NLGN1: variants seen among roughly 807,000 people sequenced by gnomAD.
NLGN1 encodes neuroligin-1.
A neutral mutation model predicts 65.5 loss-of-function variants in NLGN1; 12 were observed. The ratio of observed to expected loss-of-function variants is 0.18; its 90% CI spans 0.12 to 0.30. NLGN1 has a LOEUF of 0.30. Among genes scored for constraint, NLGN1 ranks in the 10% least tolerant of loss-of-function variants. The pLI, the probability that NLGN1 is intolerant of heterozygous loss-of-function variation, is 1.00. For synonymous variants in NLGN1, 350 were observed against 359.5 expected (o/e 0.97, Z 0.30); for missense variants, 750 against 1,007.1 (o/e 0.74, Z 3.46).
At chr3:173,929,140 A>C (rs1462151371) in intron 4 of NLGN1, among the ~76,000 whole-genome samples, 2 of 152,172 alleles carry the variant, frequency 1.3e-5, no homozygotes, top group African/African-American at 4.8e-5. Flanking sequence ...GATATATTCC[A>C]TTTAATATGT....
rs147737967 is a variant in NLGN1, at chr3:173,664,055, A to G, written c.493+58964A>G. 1.2e-4 allele frequency among the ~76,000 whole-genome samples: 18 copies of G among 152,108 alleles called. No homozygotes were observed. The East Asian group carries it at 3.3e-3, about 28-fold the overall frequency. ...TTTATTCTGGGCCTTTCAGCACTGT[A>G]ATTTATTTCTGTGCCAAAACAATAT... is the stretch of plus-strand genomic sequence containing the variant. On this transcript the variant is annotated intron_variant, in intron 3 of 6. Transcript: ENST00000457714.
In NLGN1 at chr3:174,044,043, C is replaced by T. The variant is rs375514718; in HGVS notation, c.647-231272C>T. On this transcript the variant is annotated intron_variant, in intron 4 of 6. Coordinates refer to ENST00000457714, the Ensembl canonical transcript of NLGN1. ...TAACACCATGAGGAAGCTGCCGAGGCTTAGGGCTTGCATCCTCTGAAGCCA... is the reference window on the plus strand; with the variant it reads ...TAACACCATGAGGAAGCTGCCGAGGTTTAGGGCTTGCATCCTCTGAAGCCA... Among the ~76,000 whole-genome samples, 21 of 152,290 alleles carry T rather than the reference C, an allele frequency of 1.4e-4. No individual in the cohort carries two copies. In the South Asian group the frequency reaches 3.5e-3, roughly 26 times the overall value.
At chr3:173,460,372 A>G (rs1267463820) in intron 2 of NLGN1, among the ~76,000 whole-genome samples, 1 of 152,124 alleles carries the variant, frequency 6.6e-6, no homozygotes, top group Non-Finnish European at 1.5e-5. Flanking sequence ...AGGAGATCAG[A>G]CATGTACAAA....
rs779686789 is a variant in NLGN1 at position 174,280,460 on chromosome 3, A to G, written c.1650-21A>G. 6.6e-7 allele frequency: 1 copy of G among 1,506,602 alleles called. No homozygotes were observed. The highest frequency in any genetic ancestry group is 1.8e-4 in the Middle Eastern group (1 of 5,658). The allele number at this position is 1,506,602 out of a possible 1,614,324, so 93.3% of individuals were successfully genotyped here. On this transcript the variant is annotated intron_variant, in intron 6 of 6. Coordinates refer to ENST00000457714, the Ensembl canonical transcript of NLGN1. The surrounding 1 kb of genome is among the most constrained non-coding windows in gnomAD (Gnocchi z 4.9). The stretch of plus-strand genomic sequence containing the variant: ...AAAAATAAAATAGCTTTATTCTCAT[A>G]ATTTATCTTTTCCTTCTTAGTGACC...
chr3:173,756,530 T>C (rs1276691643), intron 3 of NLGN1, among the ~76,000 whole-genome samples: 2 of 151,338 alleles, frequency 1.3e-5, no homozygotes, highest in African/African-American at 2.4e-5. Context: ...GCAATATGTG[T>C]GTGTGTAAAT....
At chr3:173,502,301 A>G (rs912139440) in intron 2 of NLGN1, among the ~76,000 whole-genome samples, 1 of 152,088 alleles carries the variant, frequency 6.6e-6, no homozygotes, top group African/African-American at 2.4e-5. Context: ...TTACTTTCCC[A>G]ATTTCCAAAG....
chr3:174,108,046 A>T (rs984364980), intron 4 of NLGN1, among the ~76,000 whole-genome samples: 2 of 152,020 alleles, frequency 1.3e-5, no homozygotes, highest in African/African-American at 4.8e-5. Flanking sequence ...AAATAGTAAT[A>T]TTTCGTTAAG....
chr3:173,728,291 A>G (rs189260769), intron 3 of NLGN1, among the ~76,000 whole-genome samples: 1 of 152,148 alleles, frequency 6.6e-6, no homozygotes, highest in African/African-American at 2.4e-5. Context: ...AAACATAAAA[A>G]CAAACTGGTA....
At position 173,625,069 on chromosome 3, in the gene NLGN1, C is replaced by T. The variant is rs116303759; in HGVS notation, c.493+19978C>T. 6.2e-3 allele frequency among the ~76,000 whole-genome samples: 936 copies of T among 152,092 alleles called. 10 individuals are homozygous for T. The highest frequency in any genetic ancestry group is 0.022 in the African/African-American group (909 of 41,512). ...TTTCCCTGATTTTAACTAGAGAGTC[C>T]TCAATTGTTTCTGGATTTACTATAA... On this transcript the variant is annotated intron_variant, in intron 3 of 6. Coordinates refer to ENST00000457714, the Ensembl canonical transcript of NLGN1.
intron 4 of NLGN1, among the ~76,000 whole-genome samples, chr3:173,837,204 C>T (rs1292212197): frequency 6.6e-6 from 1 of 152,048 alleles, no homozygotes; most frequent in Non-Finnish European, 1.5e-5. Flanking sequence ...GATTTTCATT[C>T]TTAATTCATC....
chr3:173,524,355 A>G (rs1166073966), intron 2 of NLGN1, among the ~76,000 whole-genome samples: 1 of 151,684 alleles, frequency 6.6e-6, no homozygotes, highest in South Asian at 2.1e-4. Context: ...TCTTGATTTG[A>G]CTCTCAGCCT....
In NLGN1 at chr3:173,423,796, T is replaced by G. The variant is rs143287438; in HGVS notation, c.-389-11214T>G. Among the ~76,000 whole-genome samples, 1,175 of 152,272 alleles carry G rather than the reference T, an allele frequency of 7.7e-3. 21 individuals carry two copies. Among genetic ancestry groups the G allele is most frequent in the African/African-American group, 0.027 (1,112 of 41,556 alleles). ...AATGCAAGCTGTTGGCAGATCTCCC[T>G]TTCTGGGGTCTAGAGGGTGGTGGCC... On this transcript the variant is annotated intron_variant, in intron 1 of 6. Transcript: ENST00000457714.
chr3:174,263,948 A>G (rs1747475231), intron 4 of NLGN1, among the ~76,000 whole-genome samples: 1 of 150,972 alleles, frequency 6.6e-6, no homozygotes. Context: ...TATGAAGCTT[A>G]GTTTGGCTGG....
intron 2 of NLGN1, among the ~76,000 whole-genome samples, chr3:173,579,349 G>A (rs988982031): frequency 6.6e-5 from 10 of 152,156 alleles, no homozygotes; most frequent in African/African-American, 1.4e-4. Flanking sequence ...ATGGCATGGC[G>A]CCGGTATTCT....
In NLGN1 at chr3:174,130,097, G is replaced by A. The variant is rs974086242; in HGVS notation, c.647-145218G>A. Among the ~76,000 whole-genome samples the A allele has an allele frequency of 3.3e-5, 5 of 152,284 alleles. 1 individual carries two copies. The Middle Eastern group carries it at 0.014, about 414-fold the overall frequency. ...AGATCAAATCACTGTATAGAAGGCC[G>A]GGCATGGTGGCCCTCGCCTGTAATC... On this transcript the variant is annotated intron_variant, in intron 4 of 6. Coordinates refer to ENST00000457714, the Ensembl canonical transcript of NLGN1.
At chr3:173,958,326 C>T (rs960822151) in intron 4 of NLGN1, among the ~76,000 whole-genome samples, 6 of 152,252 alleles carry the variant, frequency 3.9e-5, no homozygotes, top group Admixed American at 2.0e-4. Flanking sequence ...AGCTTTACTG[C>T]GTGACAGAAT....
At chr3:174,168,386 C>CTTT (rs1421961350) in intron 4 of NLGN1, among the ~76,000 whole-genome samples, 20 of 152,062 alleles carry the variant, frequency 1.3e-4, no homozygotes, top group African/African-American at 4.6e-4. Flanking sequence ...GGATTTTCTT[C>CTTT]TTCTTCTATA....
intron 3 of NLGN1, among the ~76,000 whole-genome samples, chr3:173,776,238 C>G (rs1026895613): frequency 6.6e-6 from 1 of 151,970 alleles, no homozygotes; most frequent in South Asian, 2.1e-4. Flanking sequence ...TGTTTTAGTA[C>G]CACCTATCAT....
rs377716710 is a variant in NLGN1 at position 174,150,775 on chromosome 3, G to A, written c.647-124540G>A. Among the ~76,000 whole-genome samples, 7 of 152,216 alleles carry A rather than the reference G, an allele frequency of 4.6e-5. No individual in the cohort carries two copies. In the East Asian group the frequency reaches 5.8e-4, roughly 13 times the overall value. ...GGAGCAGGAAGTACAGGGATGGAGA[G>A]TAGAAAGCCGTAATGTTGGAGAATA... On this transcript the variant is annotated intron_variant, in intron 4 of 6. Transcript: ENST00000457714.
Sources: gnomAD v4.1 joint callset for allele counts (sites outside exome capture counted in the v4.1 genomes callset) on GRCh38, gnomAD v4.1.1 for gene constraint, Gnocchi (gnomAD v3.1) non-coding constraint, MANE v1.5 for transcripts, NCBI Gene and HGNC (gene_info 2026-07-23, HGNC 2026-07-21) for gene names.